ABLIM2: variants seen among roughly 807,000 people sequenced by gnomAD.
ABLIM2 encodes actin-binding LIM protein 2.
A neutral mutation model predicts 97.7 loss-of-function variants in ABLIM2; 53 were observed. The ratio of observed to expected loss-of-function variants is 0.54; its 90% CI spans 0.44 to 0.68. The LOEUF (loss-of-function observed/expected upper bound fraction) is 0.68, where lower values mean the gene tolerates loss of function less well. Ranked by LOEUF, ABLIM2 falls within the 30% of genes least tolerant of loss-of-function variation. The probability of loss-of-function intolerance (pLI) is 0.00; values close to 1 mark genes in which losing one functional copy is unlikely to be tolerated. For missense variants in ABLIM2, 835 were observed against 867.2 expected (o/e 0.96, Z 0.47); for synonymous variants, 361 against 345.8 (o/e 1.04, Z -0.49).
chr4:7,986,332 C>T lies in ABLIM2; in HGVS notation c.1681-1439G>A, dbSNP rs1181212573. 6.6e-6 allele frequency among the ~76,000 whole-genome samples: 1 copy of T among 152,114 alleles called. No individual in the cohort carries two copies. The highest frequency in any genetic ancestry group is 1.5e-5 in the Non-Finnish European group (1 of 68,016). On this transcript the variant is annotated intron_variant, in intron 17 of 20. Coordinates refer to ENST00000447017, the MANE Select transcript of ABLIM2 (RefSeq NM_001130083.2). This position sits in a 1 kb window ranked among gnomAD's most constrained non-coding sequence, Gnocchi z 4.3. ...CCTCAGAGGGCACCGAGTCCAAAGC[C>T]CTTTATCTGAAACAGGAAAACCGAG...
At position 8,075,202 on chromosome 4, in the gene ABLIM2, T is replaced by A. The variant is rs1815232418; in HGVS notation, c.675+2426A>T. Among the ~76,000 whole-genome samples the A allele has an allele frequency of 6.6e-6, 1 of 152,142 alleles. No individual in the cohort carries two copies. Among genetic ancestry groups the A allele is most frequent in the Admixed American group, 6.6e-5 (1 of 15,262 alleles). On this transcript the variant is annotated intron_variant, in intron 6 of 20. Transcript: ENST00000447017. The surrounding 1 kb of genome is among the most constrained non-coding windows in gnomAD (Gnocchi z 4.4). ...AGCCGGTCATGAAAGACTACATATTTCATGATTCCATTCATATGAAACGTC... is the reference window on the plus strand; with the variant it reads ...AGCCGGTCATGAAAGACTACATATTACATGATTCCATTCATATGAAACGTC...
At chr4:8,151,264 G>A (rs1049313865) in intron 1 of ABLIM2, among the ~76,000 whole-genome samples, 1 of 152,186 alleles carries the variant, frequency 6.6e-6, no homozygotes, top group Admixed American at 6.5e-5. Context: ...AAGCCACCCA[G>A]CTCGTTATCC....
At chr4:8,025,132 T>A (rs1776490724) in intron 12 of ABLIM2, among the ~76,000 whole-genome samples, 1 of 152,170 alleles carries the variant, frequency 6.6e-6, no homozygotes, top group African/African-American at 2.4e-5. Context: ...TTCACCATGT[T>A]GGCCAGGCTG....
intron 8 of ABLIM2, among the ~76,000 whole-genome samples, chr4:8,051,134 G>C (rs13108653): frequency 0.16 from 24,766 of 152,302 alleles, 2,204 homozygotes; most frequent in East Asian, 0.29. Flanking sequence ...CCACAGTAGG[G>C]GTCAGAACCC....
Position 7,970,614 on chromosome 4 carries a change from G to C in ABLIM2, c.1825-3511C>G, listed in dbSNP as rs1727107024. 6.6e-6 allele frequency among the ~76,000 whole-genome samples: 1 copy of C among 151,878 alleles called. No homozygotes were observed. The highest frequency in any genetic ancestry group is 2.4e-5 in the African/African-American group (1 of 41,336). Reference sequence around the variant, plus strand: ...TTCGAGGAAGACTTGGAGCTGGCGGGCAAGCAGGAAGGCTGGCAGGGTGTT... The same window carrying C: ...TTCGAGGAAGACTTGGAGCTGGCGGCCAAGCAGGAAGGCTGGCAGGGTGTT... On this transcript the variant is annotated intron_variant, in intron 20 of 20. Transcript: ENST00000447017. The surrounding 1 kb of genome is among the most constrained non-coding windows in gnomAD (Gnocchi z 5.3).
At chr4:8,134,121 G>C (rs915766447) in intron 1 of ABLIM2, among the ~76,000 whole-genome samples, 2 of 152,210 alleles carry the variant, frequency 1.3e-5, no homozygotes, top group African/African-American at 4.8e-5. Flanking sequence ...CAGCTGAAGA[G>C]GGGATGGAGG....
intron 17 of ABLIM2, among the ~76,000 whole-genome samples, chr4:7,990,430 C>A (rs958825846): frequency 6.6e-6 from 1 of 152,144 alleles, no homozygotes; most frequent in African/African-American, 2.4e-5. Flanking sequence ...AAGTGATCTG[C>A]CTGCCTCGGC....
chr4:8,151,230 T>C (rs1279035349), intron 1 of ABLIM2, among the ~76,000 whole-genome samples: 3 of 152,074 alleles, frequency 2.0e-5, no homozygotes, highest in East Asian at 3.9e-4. Context: ...CATTTGGAAA[T>C]GTTCAGCCAA....
rs75285164 is a variant in ABLIM2 at position 8,003,107 on chromosome 4, G to T, written c.1618+4952C>A. Among the ~76,000 whole-genome samples the T allele has an allele frequency of 0.074, 11,306 of 152,278 alleles. 464 individuals are homozygous for T. The highest frequency in any genetic ancestry group is 0.095 in the Non-Finnish European group (6,485 of 68,024). ...CCAGGACAGCACCGGAACACACCAA[G>T]CACTCATGAAATACAGAGAGATGCC... On this transcript the variant is annotated intron_variant, in intron 16 of 20. Transcript: ENST00000447017. The surrounding 1 kb of genome is among the most constrained non-coding windows in gnomAD (Gnocchi z 4.2).
intron 17 of ABLIM2, among the ~76,000 whole-genome samples, chr4:7,988,885 C>T (rs1746473985): frequency 6.6e-6 from 1 of 152,058 alleles, no homozygotes; most frequent in Non-Finnish European, 1.5e-5. Context: ...TTGGAAATAC[C>T]AAACTTTTAA....
rs1775383804 is a variant in ABLIM2 at position 8,023,571 on chromosome 4, T to C, written c.1268-3268A>G. ...ACCGGGTCATGCTCGTCAGCCATGG[T>C]GGCCTGCTCCACGGTGGACTTGCTC... On this transcript the variant is annotated intron_variant, in intron 12 of 20. Transcript: ENST00000447017. The surrounding 1 kb of genome is among the most constrained non-coding windows in gnomAD (Gnocchi z 5.7). 6.6e-6 allele frequency among the ~76,000 whole-genome samples: 1 copy of C among 152,154 alleles called. No individual in the cohort carries two copies. Among genetic ancestry groups the C allele is most frequent in the African/African-American group, 2.4e-5 (1 of 41,440 alleles).
rs1016526881 is a variant in ABLIM2, at chr4:8,007,844, C to T, written c.1618+215G>A. 2.8e-5 allele frequency: 39 copies of T among 1,369,322 alleles called. No homozygotes were observed. In the African/African-American group the frequency reaches 5.4e-4, roughly 19 times the overall value. The allele number at this position is 1,369,322 out of a possible 1,614,324, so 84.8% of individuals were successfully genotyped here. On this transcript the variant is annotated intron_variant, in intron 16 of 20. Coordinates refer to ENST00000447017, the MANE Select transcript of ABLIM2 (RefSeq NM_001130083.2). ...TGAGGGGACATGCAGGCGTGGCCCTCGTTAGCACACTGGCTCGGGGACAGT... is the reference window on the plus strand; with the variant it reads ...TGAGGGGACATGCAGGCGTGGCCCTTGTTAGCACACTGGCTCGGGGACAGT...
At chr4:8,064,828 G>A (rs1805962938) in intron 6 of ABLIM2, among the ~76,000 whole-genome samples, 2 of 152,294 alleles carry the variant, frequency 1.3e-5, no homozygotes, top group South Asian at 2.1e-4. Flanking sequence ...TTCCATGGGT[G>A]TGTCCAGTTT....
At chr4:8,102,920 G>A (rs1399390703) in intron 2 of ABLIM2, among the ~76,000 whole-genome samples, 1 of 152,232 alleles carries the variant, frequency 6.6e-6, no homozygotes, top group African/African-American at 2.4e-5. Context: ...GGGAGTCTAT[G>A]GGGACTTCAG....
intron 16 of ABLIM2, among the ~76,000 whole-genome samples, chr4:7,997,524 T>C (rs1754121548): frequency 6.6e-6 from 1 of 152,252 alleles, no homozygotes; most frequent in African/African-American, 2.4e-5. Flanking sequence ...TTCTGCTCTG[T>C]CTTCAAGTTC....
At chr4:7,989,379 C>G (rs1024033288) in intron 17 of ABLIM2, 2 of 984,488 alleles carry the variant, frequency 2.0e-6, no homozygotes, top group Non-Finnish European at 2.4e-6. Flanking sequence ...TTGCCTGGCC[C>G]CATTTGTTTT....
At chr4:8,136,648 A>C (rs910715765) in intron 1 of ABLIM2, among the ~76,000 whole-genome samples, 12 of 152,198 alleles carry the variant, frequency 7.9e-5, no homozygotes, top group African/African-American at 2.7e-4. Flanking sequence ...CGTGGTCTGC[A>C]GGGCATCTGC....
rs1242754279 is a variant in ABLIM2, at chr4:7,986,428, T to C, written c.1681-1535A>G. ...AGAGGGCTAGAGTCAGGCTCACGAG[T>C]GGGGTAAGCACCCAGGCAGAGGACT... On this transcript the variant is annotated intron_variant, in intron 17 of 20. Coordinates refer to ENST00000447017, the MANE Select transcript of ABLIM2 (RefSeq NM_001130083.2). This position sits in a 1 kb window ranked among gnomAD's most constrained non-coding sequence, Gnocchi z 4.3. Among the ~76,000 whole-genome samples the C allele has an allele frequency of 6.6e-6, 1 of 152,112 alleles. No homozygotes were observed. The highest frequency in any genetic ancestry group is 2.4e-5 in the African/African-American group (1 of 41,422).
intron 15 of ABLIM2, 60 bp from the exon 16 acceptor site, chr4:8,008,260 T>A: frequency 1.3e-6 from 2 of 1,520,678 alleles, no homozygotes; most frequent in Non-Finnish European, 1.8e-6. Flanking sequence ...TGGGAACATC[T>A]CACTGGACCC....
Sources: allele counts gnomAD v4.1 joint callset (sites outside exome capture counted in the v4.1 genomes callset), GRCh38; gene constraint gnomAD v4.1.1; non-coding constraint Gnocchi (gnomAD v3.1); transcripts MANE v1.5; gene names NCBI Gene and HGNC (gene_info 2026-07-23, HGNC 2026-07-21).